FMN1: variants seen among roughly 807,000 people sequenced by gnomAD.
The protein encoded by FMN1 is formin-1.
Under a neutral mutation model 132.4 loss-of-function variants are expected in FMN1, and 110 were observed. The ratio of observed to expected loss-of-function variants is 0.83; its 90% confidence interval spans 0.71 to 0.97. FMN1 has a LOEUF of 0.97. Among genes scored for constraint, FMN1 ranks in the 50% least tolerant of loss-of-function variants. The pLI is 0.00. For missense variants in FMN1, 1,792 were observed against 1,705.3 expected (o/e 1.05, Z -0.90); for synonymous variants, 722 against 651.7 (o/e 1.11, Z -1.64).
chr15:32,870,189 C>CT (rs2059483510), intron 16 of FMN1, among the ~76,000 whole-genome samples: 1 of 152,080 alleles, frequency 6.6e-6, no homozygotes, highest in East Asian at 1.9e-4. Context: ...AAGATTCTTC[C>CT]TTTAATTTTT....
chr15:33,098,067 G>A (rs556693151), intron 4 of FMN1, among the ~76,000 whole-genome samples: 2 of 152,178 alleles, frequency 1.3e-5, no homozygotes, highest in South Asian at 4.1e-4. Flanking sequence ...TGGCTACAAT[G>A]GAATTAAATT....
At chr15:32,853,720 C>T (rs1231201465) in intron 17 of FMN1, among the ~76,000 whole-genome samples, 1 of 152,166 alleles carries the variant, frequency 6.6e-6, no homozygotes, top group African/African-American at 2.4e-5. Flanking sequence ...AACCACAAAC[C>T]CTAAACCATA....
chr15:32,808,263 CATG>C (rs1290176359), intron 17 of FMN1, among the ~76,000 whole-genome samples: 3 of 152,246 alleles, frequency 2.0e-5, no homozygotes, highest in East Asian at 3.8e-4. Context: ...AATCAGAACT[CATG>C]ATAACTAACT....
At chr15:33,054,353 T>C (rs2037118772) in intron 6 of FMN1, among the ~76,000 whole-genome samples, 1 of 152,202 alleles carries the variant, frequency 6.6e-6, no homozygotes. Flanking sequence ...ATCCTGTAAA[T>C]TAAAAGGTTA....
intron 9 of FMN1, among the ~76,000 whole-genome samples, chr15:32,949,952 T>TATAC (rs1555503080): frequency 5.9e-5 from 3 of 50,510 alleles, no homozygotes; most frequent in Non-Finnish European, 1.1e-4. Context: ...TATATATATA[T>TATAC]ATATATATAT....
chr15:33,006,547 A>C (rs1394796733), intron 7 of FMN1, among the ~76,000 whole-genome samples: 1 of 152,208 alleles, frequency 6.6e-6, no homozygotes, highest in Non-Finnish European at 1.5e-5. Context: ...GTATATATTT[A>C]AAGGAAATGA....
chr15:32,909,607 A>G (rs1463438355), intron 11 of FMN1, among the ~76,000 whole-genome samples: 3 of 152,228 alleles, frequency 2.0e-5, no homozygotes. Context: ...ACTGGTGACC[A>G]CAGTACACTA....
At chr15:33,163,457 G>T (rs1245990745) in intron 3 of FMN1, among the ~76,000 whole-genome samples, 1 of 147,316 alleles carries the variant, frequency 6.8e-6, no homozygotes, top group African/African-American at 2.5e-5. Context: ...ACCATGCCCG[G>T]CTAATTTTGT....
intron 15 of FMN1, among the ~76,000 whole-genome samples, chr15:32,893,091 C>T (rs895254129): frequency 2.0e-5 from 3 of 152,230 alleles, no homozygotes; most frequent in Non-Finnish European, 2.9e-5. Context: ...CAGGAATCCT[C>T]TTGACCCTTC....
In FMN1 at chr15:32,839,207, C is replaced by T. The variant is rs3110529; in HGVS notation, c.3928+17808G>A. On this transcript the variant is annotated intron_variant, in intron 17 of 20. Coordinates refer to ENST00000616417, the MANE Select transcript of FMN1 (RefSeq NM_001277313.2). The stretch of plus-strand genomic sequence containing the variant: ...TTCTCACAGGCAGCTTCGGGTCTAC[C>T]GCTTTCTGCACCCTGCCCACCCACT... Among the ~76,000 whole-genome samples, 1,290 of 152,234 alleles carry T rather than the reference C, an allele frequency of 8.5e-3. 7 individuals carry two copies. The highest frequency in any genetic ancestry group is 0.044 in the Middle Eastern group (13 of 294).
At chr15:33,007,163 A>G (rs1596457516) in intron 7 of FMN1, among the ~76,000 whole-genome samples, 1 of 152,226 alleles carries the variant, frequency 6.6e-6, no homozygotes, top group Admixed American at 6.5e-5. Flanking sequence ...ATTTCAAAAC[A>G]TGTCATATAC....
intron 3 of FMN1, among the ~76,000 whole-genome samples, chr15:33,162,438 G>A (rs74530074): frequency 6.6e-6 from 1 of 151,842 alleles, no homozygotes; most frequent in South Asian, 2.1e-4. Flanking sequence ...AAAAAAAAAG[G>A]AGAGTCAACA....
intron 17 of FMN1, among the ~76,000 whole-genome samples, chr15:32,828,742 T>C (rs1284024294): frequency 6.6e-6 from 1 of 152,212 alleles, no homozygotes; most frequent in East Asian, 1.9e-4. Context: ...TGTTCCCTCT[T>C]AACCAAATCA....
chr15:32,992,892 A>G (rs149695379), intron 7 of FMN1, among the ~76,000 whole-genome samples: 64 of 152,314 alleles, frequency 4.2e-4, no homozygotes, highest in African/African-American at 1.5e-3. Context: ...TAGCCTATTC[A>G]CTAGACCAAG....
intron 16 of FMN1, among the ~76,000 whole-genome samples, chr15:32,866,801 G>C (rs2059402741): frequency 6.6e-6 from 1 of 152,142 alleles, no homozygotes; most frequent in Admixed American, 6.6e-5. Flanking sequence ...TGACAACCCA[G>C]CAGGATTCTG....
chr15:32,824,422 G>T (rs1944361706), intron 17 of FMN1, among the ~76,000 whole-genome samples: 1 of 152,202 alleles, frequency 6.6e-6, no homozygotes, highest in African/African-American at 2.4e-5. Context: ...TTCAGAAACA[G>T]TATTTTTAAA....
chr15:32,885,605 C>G (rs2059878798), intron 16 of FMN1, among the ~76,000 whole-genome samples: 2 of 152,168 alleles, frequency 1.3e-5, no homozygotes, highest in Admixed American at 1.3e-4. Context: ...ATAGATAAAG[C>G]ACTTGATAGA....
chr15:32,981,589 A>C (rs2032682921), intron 7 of FMN1, among the ~76,000 whole-genome samples: 1 of 150,074 alleles, frequency 6.7e-6, no homozygotes, highest in African/African-American at 2.4e-5. Context: ...CATAAGACTC[A>C]ACAGCCTTTG....
At chr15:33,127,612 G>C (rs1401009445) in intron 4 of FMN1, among the ~76,000 whole-genome samples, 1 of 149,700 alleles carries the variant, frequency 6.7e-6, no homozygotes, top group Non-Finnish European at 1.5e-5. Context: ...CAAGACAGAA[G>C]TTAAAACACA....
Sources: allele counts gnomAD v4.1 joint callset (sites outside exome capture counted in the v4.1 genomes callset), GRCh38; gene constraint gnomAD v4.1.1; transcripts MANE v1.5; gene names NCBI Gene and HGNC (gene_info 2026-07-23, HGNC 2026-07-21).